LSS: variants seen among roughly 807,000 people sequenced by gnomAD.
LSS encodes lanosterol synthase.
LSS carries 90 observed loss-of-function variants against 110.3 expected under a neutral mutation model. That is an observed-to-expected ratio of 0.82 (90% CI 0.69 to 0.97). The LOEUF is 0.97. Among genes scored for constraint, LSS ranks in the 50% least tolerant of loss-of-function variants. LSS has a pLI of 0.00. For missense variants in LSS, 927 were observed against 990.0 expected (o/e 0.94, Z 0.85); for synonymous variants, 433 against 400.0 (o/e 1.08, Z -0.98).
At chr21:46,222,195 C>T (rs1240093119) in intron 4 of LSS, 5 of 573,244 alleles carry the variant, frequency 8.7e-6, no homozygotes, top group African/African-American at 1.9e-5. Context: ...CACCGTGACC[C>T]GCCTGCTCTA....
intron 14 of LSS, among the ~76,000 whole-genome samples, chr21:46,207,962 C>T (rs2080075806): frequency 6.6e-6 from 1 of 152,262 alleles, no homozygotes; most frequent in South Asian, 2.1e-4. Flanking sequence ...CTTCCCCGGA[C>T]ACACTGGCTA....
intron 20 of LSS, chr21:46,193,699 TG>T (rs2079863805): frequency 2.2e-6 from 1 of 451,604 alleles, no homozygotes; most frequent in African/African-American, 2.1e-5. Flanking sequence ...TGTATCTGCA[TG>T]TGTGTACACA....
At chr21:46,204,814 T>G (rs1290154612) in intron 17 of LSS, among the ~76,000 whole-genome samples, 1 of 152,092 alleles carries the variant, frequency 6.6e-6, no homozygotes, top group African/African-American at 2.4e-5. Context: ...CTTTTCTAAG[T>G]CCAGCATCAT....
chr21:46,193,524 C>G (rs1389219420), intron 20 of LSS: 1 of 439,306 alleles, frequency 2.3e-6, no homozygotes, highest in Non-Finnish European at 4.5e-6. Context: ...GTGCATCTGT[C>G]TCCATGTACC....
At chr21:46,211,059 T>C (rs572215753) in intron 11 of LSS, among the ~76,000 whole-genome samples, 3 of 152,160 alleles carry the variant, frequency 2.0e-5, no homozygotes, top group South Asian at 4.1e-4. Context: ...CACCTACACA[T>C]AGAGCATCCA....
At chr21:46,226,104 C>G (rs1279335123) in intron 3 of LSS, among the ~76,000 whole-genome samples, 3 of 150,944 alleles carry the variant, frequency 2.0e-5, no homozygotes, top group Non-Finnish European at 4.4e-5. Context: ...CCATTGCACT[C>G]CAGCCTGGGG....
intron 5 of LSS, among the ~76,000 whole-genome samples, chr21:46,219,960 G>C (rs1394647442): frequency 6.6e-6 from 1 of 152,198 alleles, no homozygotes; most frequent in Non-Finnish European, 1.5e-5. Flanking sequence ...GGAAGTGACA[G>C]CGCACACTCA....
chr21:46,213,643 A>T, intron 10 of LSS, 95 bp downstream of exon 10: 1 of 925,340 alleles, frequency 1.1e-6, no homozygotes, highest in Non-Finnish European at 1.7e-6. Context: ...CAGTATTCCC[A>T]GATGGCACCG....
intron 4 of LSS, 85 bp downstream of exon 4, chr21:46,222,545 C>A: frequency 1.6e-6 from 2 of 1,226,808 alleles, no homozygotes; most frequent in Non-Finnish European, 2.3e-6. Context: ...TAACCCCTGG[C>A]AGCTGCCTGG....
At chr21:46,206,308 C>T (rs1313241251) in intron 16 of LSS, among the ~76,000 whole-genome samples, 1 of 152,030 alleles carries the variant, frequency 6.6e-6, no homozygotes, top group East Asian at 1.9e-4. Flanking sequence ...GGCATGGGTC[C>T]CCACAGTCCC....
chr21:46,192,707 G>GT (rs1569015125), intron 20 of LSS: 1 of 452,680 alleles, frequency 2.2e-6, no homozygotes. Flanking sequence ...CTCCATGTAC[G>GT]TATGTCTGTG....
At position 46,221,646 on chromosome 21, in the gene LSS, C is replaced by T. The variant is rs955002115; in HGVS notation, c.550+208G>A. The T allele has an allele frequency of 7.8e-6, 5 of 640,630 alleles. No homozygotes were observed. In the African/African-American group the frequency reaches 9.2e-5, roughly 12 times the overall value. The allele number at this position is 640,630 out of a possible 1,614,324, so 39.7% of individuals were successfully genotyped here. A position where few individuals can be genotyped will look rare whatever the true frequency, so the allele number is the denominator to read the frequency against. On this transcript the variant is annotated intron_variant, in intron 5 of 21. Transcript: ENST00000397728. ...GTGCTGGAATTGCAGGCGTGAGCCA[C>T]TCACTGTGCCTGGCTCTTAATTTGC...
At chr21:46,196,832 C>G (rs1357859007) in intron 17 of LSS, among the ~76,000 whole-genome samples, 1 of 152,250 alleles carries the variant, frequency 6.6e-6, no homozygotes, top group Non-Finnish European at 1.5e-5. Context: ...ATGGTGCTAG[C>G]AGACTCCCTC....
intron 9 of LSS, 23 bp downstream of exon 9, chr21:46,215,156 CA>C: frequency 6.3e-7 from 1 of 1,595,224 alleles, no homozygotes; most frequent in Non-Finnish European, 8.5e-7. Context: ...GGGCTGCAGT[CA>C]GAGGCCGGGC....
At chr21:46,195,038 G>A (rs1187898659) in intron 19 of LSS, among the ~76,000 whole-genome samples, 3 of 152,216 alleles carry the variant, frequency 2.0e-5, no homozygotes, top group African/African-American at 4.8e-5. Context: ...TGGGGCAGCT[G>A]GAGACAGGGC....
intron 4 of LSS, chr21:46,222,356 T>C: frequency 1.8e-6 from 1 of 543,554 alleles, no homozygotes; most frequent in Non-Finnish European, 3.3e-6. Flanking sequence ...AATTTTCTTC[T>C]GCCTTAAGTG....
chr21:46,188,611 G>C lies in LSS; in HGVS notation c.*2493C>G, dbSNP rs916094022. Reference sequence around the variant, plus strand: ...CCTCCCAGCACCGAGAAGCCGACGGGGGAGGAACAGACTCCTCTGCATTGT... The same window carrying C: ...CCTCCCAGCACCGAGAAGCCGACGGCGGAGGAACAGACTCCTCTGCATTGT... On this transcript the variant is annotated 3_prime_UTR_variant, in exon 22 of 22. Transcript: ENST00000397728. 7 of 470,246 alleles carry C rather than the reference G, an allele frequency of 1.5e-5. No homozygotes were observed. The highest frequency in any genetic ancestry group is 7.1e-5 in the Admixed American group (3 of 42,550). The allele number at this position is 470,246 out of a possible 1,614,324, so 29.1% of individuals were successfully genotyped here.
intron 21 of LSS, 114 bp downstream of exon 21, chr21:46,191,767 C>T: frequency 1.1e-6 from 1 of 875,422 alleles, no homozygotes. Context: ...GAGGTGACGC[C>T]TCCCAAGTGT....
chr21:46,196,453 G>A, intron 17 of LSS, 186 bp from the exon 18 acceptor site: 1 of 594,132 alleles, frequency 1.7e-6, no homozygotes, highest in Non-Finnish European at 3.0e-6. Context: ...AGAGCGGGAA[G>A]CGGATTGGCA....
Sources: gnomAD v4.1 joint callset for allele counts (sites outside exome capture counted in the v4.1 genomes callset) on GRCh38, gnomAD v4.1.1 for gene constraint, MANE v1.5 for transcripts, NCBI Gene and HGNC (gene_info 2026-07-23, HGNC 2026-07-21) for gene names.